PTPRG: variants seen among roughly 807,000 people sequenced by gnomAD.
PTPRG encodes the protein receptor-type tyrosine-protein phosphatase gamma.
A neutral mutation model predicts 165.3 loss-of-function variants in PTPRG; 102 were observed. The observed-to-expected ratio is 0.62, with a 90% CI of 0.53 to 0.73. PTPRG has a LOEUF of 0.73. PTPRG is among the 30% of genes least tolerant of loss of function. The probability of loss-of-function intolerance (pLI) is 0.00; values close to 1 mark genes in which losing one functional copy is unlikely to be tolerated. For synonymous variants in PTPRG, 675 were observed against 669.5 expected (o/e 1.01, Z -0.13); for missense variants, 1,866 against 1,861.4 (o/e 1.00, Z -0.05).
chr3:61,718,032 T>C (rs559782795), intron 1 of PTPRG, among the ~76,000 whole-genome samples: 1 of 150,806 alleles, frequency 6.6e-6, no homozygotes, highest in Non-Finnish European at 1.5e-5. Context: ...ATAAAAAAAT[T>C]AGCCGGGCAT....
intron 2 of PTPRG, among the ~76,000 whole-genome samples, chr3:61,796,266 T>A (rs2035041486): frequency 6.6e-6 from 1 of 152,126 alleles, no homozygotes; most frequent in Admixed American, 6.5e-5. Flanking sequence ...ACTCGTTAGG[T>A]TTCCTGAGCA....
At chr3:61,995,406 A>G (rs1045255284) in intron 3 of PTPRG, among the ~76,000 whole-genome samples, 8 of 152,080 alleles carry the variant, frequency 5.3e-5, no homozygotes, top group African/African-American at 1.7e-4. Context: ...AAGGTTTTCA[A>G]TAGCAATCTT....
intron 8 of PTPRG, among the ~76,000 whole-genome samples, chr3:62,175,094 C>T (rs903319993): frequency 6.6e-6 from 1 of 152,178 alleles, no homozygotes; most frequent in African/African-American, 2.4e-5. Flanking sequence ...TTTAAATGCT[C>T]AGACATTTCA....
chr3:61,903,896 G>A (rs1409184654), intron 2 of PTPRG, among the ~76,000 whole-genome samples: 1 of 152,100 alleles, frequency 6.6e-6, no homozygotes, highest in Non-Finnish European at 1.5e-5. Context: ...AGCACGGATG[G>A]CTCTTCCCAC....
rs147979320 is a variant in PTPRG at position 61,864,734 on chromosome 3, C to A, written c.190+115752C>A. Among the ~76,000 whole-genome samples, 5 of 152,308 alleles carry A rather than the reference C, an allele frequency of 3.3e-5. No individual in the cohort carries two copies. In the East Asian group the frequency reaches 9.7e-4, roughly 29 times the overall value. On this transcript the variant is annotated intron_variant, in intron 2 of 29. Transcript: ENST00000474889. ...AGGCGTTTTAAGGTTTTCACTTCAACATCTGTGCTTTGGAAATTGAGAAGA... is the reference window on the plus strand; with the variant it reads ...AGGCGTTTTAAGGTTTTCACTTCAAAATCTGTGCTTTGGAAATTGAGAAGA...
chr3:61,853,107 C>A (rs1000556664), intron 2 of PTPRG, among the ~76,000 whole-genome samples: 1 of 152,124 alleles, frequency 6.6e-6, no homozygotes, highest in Admixed American at 6.6e-5. Context: ...AGCTTACGTT[C>A]TACTGTGGGA....
rs574016507 is a variant in PTPRG at position 62,003,272 on chromosome 3, T to C, written c.371-77T>C. ...TTCATATCATGGTAATGGTGAACTT[T>C]ATTAGAAGTAACAGAAAAACTCCAT... On this transcript the variant is annotated intron_variant, in intron 3 of 29. Coordinates refer to ENST00000474889, the MANE Select transcript of PTPRG (RefSeq NM_002841.4). 1.7e-4 allele frequency: 253 copies of C among 1,495,182 alleles called. 2 individuals are homozygous for C. The South Asian group carries it at 2.5e-3, about 15-fold the overall frequency. The allele number at this position is 1,495,182 out of a possible 1,614,324, so 92.6% of individuals were successfully genotyped here. A position where few individuals can be genotyped will look rare whatever the true frequency, so the allele number is the denominator to read the frequency against.
intron 4 of PTPRG, among the ~76,000 whole-genome samples, chr3:62,052,494 A>G (rs1700497919): frequency 6.6e-6 from 1 of 152,170 alleles, no homozygotes; most frequent in South Asian, 2.1e-4. Context: ...GGAATTCGAA[A>G]CCAGCCTGGG....
At chr3:62,186,874 C>T (rs1215238178) in intron 8 of PTPRG, among the ~76,000 whole-genome samples, 2 of 152,048 alleles carry the variant, frequency 1.3e-5, no homozygotes, top group Admixed American at 6.6e-5. Flanking sequence ...TCCTTGAAGC[C>T]GGATCTTTAA....
rs1559583487 is a variant in PTPRG at position 61,738,326 on chromosome 3, A to ATATATATGTATATATATATGTG, written c.86-10545_86-10544insGTATATATATATGTGTATATAT. Among the ~76,000 whole-genome samples, 8 of 110,710 alleles carry ATATATATGTATATATATATGTG rather than the reference A, an allele frequency of 7.2e-5. 1 individual carries two copies. The highest frequency in any genetic ancestry group is 2.7e-4 in the African/African-American group (8 of 29,718). The allele number at this position is 110,710 out of a possible 152,430, so 72.6% of individuals were successfully genotyped here. A position where few individuals can be genotyped will look rare whatever the true frequency, so the allele number is the denominator to read the frequency against. On this transcript the variant is annotated intron_variant, in intron 1 of 29. Coordinates refer to ENST00000474889, the MANE Select transcript of PTPRG (RefSeq NM_002841.4). ...TATATATATATACATATATATATAT[A>ATATATATGTATATATATATGTG]TATATATATATGTATATATATATAT...
intron 2 of PTPRG, among the ~76,000 whole-genome samples, chr3:61,975,672 T>A (rs1575840994): frequency 6.6e-6 from 1 of 152,280 alleles, no homozygotes; most frequent in East Asian, 1.9e-4. Context: ...TACTTTTTTT[T>A]TTTTATGGTG....
chr3:62,148,377 C>T (rs1704201401), intron 6 of PTPRG, among the ~76,000 whole-genome samples: 1 of 152,094 alleles, frequency 6.6e-6, no homozygotes, highest in Admixed American at 6.5e-5. Flanking sequence ...CCATGGCCAC[C>T]ATAAGGAGTC....
chr3:61,911,556 C>G (rs1007646807), intron 2 of PTPRG, among the ~76,000 whole-genome samples: 1 of 152,010 alleles, frequency 6.6e-6, no homozygotes, highest in Admixed American at 6.6e-5. Context: ...ATATTGTCTA[C>G]AAGTGTATTT....
At chr3:61,801,613 T>G (rs944610772) in intron 2 of PTPRG, among the ~76,000 whole-genome samples, 55 of 151,964 alleles carry the variant, frequency 3.6e-4, no homozygotes, top group Non-Finnish European at 6.6e-4. Flanking sequence ...AAGAATAACG[T>G]CTGTGTTGGC....
intron 2 of PTPRG, among the ~76,000 whole-genome samples, chr3:61,815,820 G>A (rs1328103745): frequency 6.6e-6 from 1 of 152,148 alleles, no homozygotes; most frequent in Non-Finnish European, 1.5e-5. Context: ...TGGGGATATA[G>A]GAATGAATAC....
chr3:62,250,342 G>A (rs1165994408), intron 15 of PTPRG, among the ~76,000 whole-genome samples: 1 of 152,118 alleles, frequency 6.6e-6, no homozygotes, highest in East Asian at 1.9e-4. Context: ...ATCACTGGTG[G>A]CTGATAAGAA....
At chr3:61,871,138 G>A (rs150600086) in intron 2 of PTPRG, among the ~76,000 whole-genome samples, 23,021 of 127,342 alleles carry the variant, frequency 0.18, 1,981 homozygotes, top group African/African-American at 0.24. Flanking sequence ...ATGTTGTGTT[G>A]TGTTGTGTTG....
intron 1 of PTPRG, among the ~76,000 whole-genome samples, chr3:61,634,025 A>G (rs1460752260): frequency 6.7e-6 from 1 of 150,034 alleles, no homozygotes; most frequent in Non-Finnish European, 1.5e-5. Context: ...AGCGATTCTC[A>G]TGCCTCAGTC....
chr3:61,892,603 G>A (rs1177954500), intron 2 of PTPRG, among the ~76,000 whole-genome samples: 2 of 152,060 alleles, frequency 1.3e-5, no homozygotes, highest in East Asian at 1.9e-4. Flanking sequence ...GATCACCTGA[G>A]GTCAGGAGTT....
Sources: gnomAD v4.1 joint callset for allele counts (sites outside exome capture counted in the v4.1 genomes callset) on GRCh38, gnomAD v4.1.1 for gene constraint, MANE v1.5 for transcripts, NCBI Gene and HGNC (gene_info 2026-07-23, HGNC 2026-07-21) for gene names.